The following ELP4 variants were observed in gnomAD, a reference collection of about 807,000 sequenced individuals.
ELP4 encodes the protein elongator acetyltransferase complex subunit 4, also known as elongator complex protein 4.
Under a neutral mutation model 48.9 loss-of-function variants are expected in ELP4, and 51 were observed. That is an observed-to-expected ratio of 1.04 (90% CI 0.83 to 1.32). The LOEUF (loss-of-function observed/expected upper bound fraction) is 1.32. Among genes scored for constraint, ELP4 ranks in the 40% most tolerant of loss-of-function variants. ELP4 has a pLI of 0.00. For missense variants in ELP4, 519 were observed against 514.6 expected, an observed-to-expected ratio of 1.01 and a Z score of -0.08; for synonymous variants, 210 against 189.2, an observed-to-expected ratio of 1.11 and a Z score of -0.90.
chr11:31,678,290 A>T (rs969543633), intron 9 of ELP4, among the ~76,000 whole-genome samples: 1 of 151,990 alleles, frequency 6.6e-6, no homozygotes, highest in Non-Finnish European at 1.5e-5. Context: ...TCTGCAAAAA[A>T]TTTTAAAAAT....
intron 3 of ELP4, among the ~76,000 whole-genome samples, chr11:31,588,640 G>A (rs1200062610): frequency 6.6e-6 from 1 of 151,830 alleles, no homozygotes; most frequent in African/African-American, 2.4e-5. Flanking sequence ...AAACTTTTAT[G>A]TTTTTCAAAA....
At chr11:31,570,049 G>C (rs1270776573) in intron 3 of ELP4, among the ~76,000 whole-genome samples, 2 of 152,110 alleles carry the variant, frequency 1.3e-5, no homozygotes, top group Non-Finnish European at 2.9e-5. Context: ...TGCCAAAAAG[G>C]CACGTCCATA....
At chr11:31,553,777 A>C (rs917867521) in intron 3 of ELP4, among the ~76,000 whole-genome samples, 1 of 145,014 alleles carries the variant, frequency 6.9e-6, no homozygotes, top group Non-Finnish European at 1.5e-5. Context: ...CTATTGGTTC[A>C]GTTTCTCTAG....
At chr11:31,716,614 A>C (rs1045270704) in intron 9 of ELP4, among the ~76,000 whole-genome samples, 31 of 152,352 alleles carry the variant, frequency 2.0e-4, no homozygotes, top group African/African-American at 7.0e-4. Flanking sequence ...ATAGTAAGAA[A>C]TAATACATGT....
chr11:31,623,390 T>TATATATATATATA (rs67986763), intron 5 of ELP4, among the ~76,000 whole-genome samples: 2 of 92,582 alleles, frequency 2.2e-5, no homozygotes, highest in African/African-American at 7.2e-5. Flanking sequence ...TATATATATA[T>TATATATATATATA]AAAACTAGAA....
Position 31,684,832 on chromosome 11 carries a change from C to A in ELP4, c.1143+34611C>A, listed in dbSNP as rs373422345. ...TGCAATCTGATATGAAAGACTGTTACAATAGACTTTTAGAAAGAAACACTG... is the reference window on the plus strand; with the variant it reads ...TGCAATCTGATATGAAAGACTGTTAAAATAGACTTTTAGAAAGAAACACTG... On this transcript the variant is annotated intron_variant, in intron 9 of 9. Coordinates refer to ENST00000640961, the MANE Select transcript of ELP4 (RefSeq NM_019040.5). 2.0e-5 allele frequency among the ~76,000 whole-genome samples: 3 copies of A among 152,114 alleles called. No individual in the cohort carries two copies. In the East Asian group the frequency reaches 5.8e-4, roughly 29 times the overall value.
At chr11:31,771,937 G>C (rs1255191886) in intron 9 of ELP4, among the ~76,000 whole-genome samples, 1 of 151,742 alleles carries the variant, frequency 6.6e-6, no homozygotes, top group East Asian at 2.0e-4. Flanking sequence ...AGCCAAGATT[G>C]TGCCACTGCA....
At chr11:31,541,940 TA>T (rs1246469836) in intron 3 of ELP4, among the ~76,000 whole-genome samples, 1 of 152,096 alleles carries the variant, frequency 6.6e-6, no homozygotes, top group African/African-American at 2.4e-5. Context: ...GAGTAAAATA[TA>T]AAATATAAAA....
In ELP4 at chr11:31,784,005, TATTAA is replaced by T. The variant is rs1948435852; in HGVS notation, c.*485_*489del. The T allele has an allele frequency of 6.6e-6, 1 of 152,322 alleles. No homozygotes were observed. Among genetic ancestry groups the T allele is most frequent in the African/African-American group, 2.4e-5 (1 of 41,474 alleles). 9.4% of individuals were successfully genotyped at this position (152,322 alleles called of 1,614,324 possible). A position where few individuals can be genotyped will look rare whatever the true frequency, so the allele number is the denominator to read the frequency against. ...ATAAATTTGCATTTATGTATCCAGTTATTAAATTGATAAAGACAAAGTAATATTTT... is the reference window on the plus strand; with the variant it reads ...ATAAATTTGCATTTATGTATCCAGTTATTGATAAAGACAAAGTAATATTTT... On this transcript the variant is annotated 3_prime_UTR_variant, in exon 10 of 10. Transcript: ENST00000640961.
chr11:31,540,858 G>A (rs1956580177), intron 3 of ELP4, among the ~76,000 whole-genome samples: 1 of 152,136 alleles, frequency 6.6e-6, no homozygotes, highest in Non-Finnish European at 1.5e-5. Flanking sequence ...ATTAATATTA[G>A]TTTTCTTGGA....
intron 5 of ELP4, among the ~76,000 whole-genome samples, chr11:31,623,551 A>AT (rs1944672166): frequency 6.7e-6 from 1 of 149,866 alleles, no homozygotes; most frequent in African/African-American, 2.4e-5. Context: ...GATTTATTGC[A>AT]TTTTATTTTG....
intron 9 of ELP4, among the ~76,000 whole-genome samples, chr11:31,670,002 CCTT>C (rs1198947573): frequency 6.6e-6 from 1 of 152,108 alleles, no homozygotes; most frequent in African/African-American, 2.4e-5. Flanking sequence ...CTTGCTAGCT[CCTT>C]CTTCACACAA....
intron 9 of ELP4, among the ~76,000 whole-genome samples, chr11:31,764,260 G>A (rs1948002719): frequency 6.6e-6 from 1 of 152,134 alleles, no homozygotes; most frequent in Non-Finnish European, 1.5e-5. Flanking sequence ...AGAGTACATC[G>A]TTTGTGCCAA....
intron 3 of ELP4, among the ~76,000 whole-genome samples, chr11:31,556,978 C>G (rs1956940623): frequency 6.6e-6 from 1 of 151,750 alleles, no homozygotes; most frequent in Non-Finnish European, 1.5e-5. Flanking sequence ...CTGAAACTTC[C>G]CACAATTAAT....
chr11:31,591,092 A>G (rs977807722), intron 3 of ELP4, among the ~76,000 whole-genome samples: 2 of 152,148 alleles, frequency 1.3e-5, no homozygotes, highest in Non-Finnish European at 2.9e-5. Flanking sequence ...AACTCAACAA[A>G]AAGATAAACA....
At chr11:31,605,096 T>C (rs1592152559) in intron 5 of ELP4, among the ~76,000 whole-genome samples, 1 of 152,146 alleles carries the variant, frequency 6.6e-6, no homozygotes, top group Admixed American at 6.6e-5. Context: ...GATTTATCTT[T>C]CTTTTTTGCT....
intron 9 of ELP4, among the ~76,000 whole-genome samples, chr11:31,745,210 A>G (rs1179966376): frequency 6.6e-6 from 1 of 152,216 alleles, no homozygotes; most frequent in Non-Finnish European, 1.5e-5. Context: ...TTCAAGGAGA[A>G]CTACAAACCA....
At chr11:31,614,288 A>T (rs919461354) in intron 5 of ELP4, among the ~76,000 whole-genome samples, 1 of 152,100 alleles carries the variant, frequency 6.6e-6, no homozygotes, top group Non-Finnish European at 1.5e-5. Flanking sequence ...CTTTGGAGAA[A>T]TGGTTGATGG....
chr11:31,656,271 A>G (rs1285323456), intron 9 of ELP4, among the ~76,000 whole-genome samples: 1 of 152,004 alleles, frequency 6.6e-6, no homozygotes, highest in Non-Finnish European at 1.5e-5. Flanking sequence ...TGAAACTGCC[A>G]TCTTGCTGAC....
Sources: gnomAD v4.1 joint callset for allele counts (sites outside exome capture counted in the v4.1 genomes callset) on GRCh38, gnomAD v4.1.1 for gene constraint, MANE v1.5 for transcripts, NCBI Gene and HGNC (gene_info 2026-07-23, HGNC 2026-07-21) for gene names.